JMJD1C: variants seen among roughly 807,000 people sequenced by gnomAD.
JMJD1C encodes jumonji domain containing 1C, also known as jumonji domain-containing protein 1C.
In JMJD1C, 31 loss-of-function variants were observed where a neutral mutation model predicts 245.3. That is an observed-to-expected ratio of 0.13 (90% CI 0.09 to 0.17). The LOEUF is 0.17. Among genes scored for constraint, JMJD1C ranks in the 10% least tolerant of loss-of-function variants. JMJD1C has a pLI of 1.00. For synonymous variants in JMJD1C, 1,057 were observed against 1,017.4 expected (o/e 1.04, Z -0.74); for missense variants, 2,691 against 3,000.2 (o/e 0.90, Z 2.41).
At chr10:63,187,186 T>C (rs1450841161) in intron 18 of JMJD1C, among the ~76,000 whole-genome samples, 1 of 152,208 alleles carries the variant, frequency 6.6e-6, no homozygotes, top group Non-Finnish European at 1.5e-5. Flanking sequence ...GTTTACTACA[T>C]GGTTGAATGT....
chr10:63,324,869 C>A (rs977691283), intron 2 of JMJD1C, among the ~76,000 whole-genome samples: 4 of 152,194 alleles, frequency 2.6e-5, no homozygotes, highest in Admixed American at 6.5e-5. Flanking sequence ...ACTAGGCTTT[C>A]AGCTAGATTT....
intron 11 of JMJD1C, 87 bp from the exon 12 acceptor site, chr10:63,198,814 T>C (rs1845716807): frequency 7.6e-6 from 5 of 661,222 alleles, no homozygotes; most frequent in Non-Finnish European, 1.2e-5. Context: ...TAATTATGTT[T>C]ACATTGCATT....
chr10:63,369,091 T>C (rs146227994), intron 2 of JMJD1C, among the ~76,000 whole-genome samples: 12 of 152,110 alleles, frequency 7.9e-5, no homozygotes, highest in African/African-American at 2.9e-4. Flanking sequence ...TTTTTCTTCC[T>C]CTTTCTTTCT....
intron 1 of JMJD1C, among the ~76,000 whole-genome samples, chr10:63,445,803 T>C (rs1190810445): frequency 6.7e-6 from 1 of 149,526 alleles, no homozygotes; most frequent in Non-Finnish European, 1.5e-5. Flanking sequence ...AGGCAAAAGA[T>C]AATGTAGGTT....
At chr10:63,288,571 A>G (rs1858249875) in intron 2 of JMJD1C, among the ~76,000 whole-genome samples, 1 of 152,140 alleles carries the variant, frequency 6.6e-6, no homozygotes, top group African/African-American at 2.4e-5. Flanking sequence ...TTTTTACGTC[A>G]GGTTGTTCAT....
chr10:63,288,878 T>C (rs547396920), intron 2 of JMJD1C, among the ~76,000 whole-genome samples: 2 of 130,930 alleles, frequency 1.5e-5, no homozygotes, highest in East Asian at 4.3e-4. Context: ...CACTGTCTCA[T>C]AATAATAATA....
At chr10:63,458,157 ATCTT>A (rs1371603962) in intron 1 of JMJD1C, among the ~76,000 whole-genome samples, 17 of 152,334 alleles carry the variant, frequency 1.1e-4, no homozygotes, top group Admixed American at 2.6e-4. Context: ...TAATCCCTAA[ATCTT>A]TCTTTGTCAG....
At chr10:63,354,612 AATC>A (rs1944650021) in intron 2 of JMJD1C, among the ~76,000 whole-genome samples, 1 of 151,856 alleles carries the variant, frequency 6.6e-6, no homozygotes, top group African/African-American at 2.4e-5. Context: ...TTTCTATTTT[AATC>A]ATCTTTTATA....
At chr10:63,519,110 T>C (rs1955120037) in intron 1 of JMJD1C, among the ~76,000 whole-genome samples, 1 of 152,092 alleles carries the variant, frequency 6.6e-6, no homozygotes, top group South Asian at 2.1e-4. Context: ...CCTATTGAGA[T>C]GTGAAAAAAG....
chr10:63,261,301 C>G (rs567344273), intron 3 of JMJD1C, among the ~76,000 whole-genome samples: 2 of 152,208 alleles, frequency 1.3e-5, no homozygotes, highest in East Asian at 1.9e-4. Context: ...TGACCAGTGC[C>G]GGGCGCAGTG....
chr10:63,495,188 A>C (rs1332193403), intron 1 of JMJD1C, among the ~76,000 whole-genome samples: 1 of 151,622 alleles, frequency 6.6e-6, no homozygotes, highest in Admixed American at 6.6e-5. Context: ...ACCATTTCTC[A>C]CTCAAAGGAA....
At chr10:63,281,467 T>A (rs1857386919) in intron 2 of JMJD1C, among the ~76,000 whole-genome samples, 1 of 110,146 alleles carries the variant, frequency 9.1e-6, no homozygotes, top group Non-Finnish European at 1.9e-5. Context: ...CCTTTTTTTT[T>A]TTTTTTTTTT....
At chr10:63,283,196 AAAGATTTCT>A (rs1857595799) in intron 2 of JMJD1C, among the ~76,000 whole-genome samples, 1 of 152,228 alleles carries the variant, frequency 6.6e-6, no homozygotes, top group South Asian at 2.1e-4. Context: ...CATAAATAAT[AAAGATTTCT>A]TCCAGAGTTG....
intron 3 of JMJD1C, chr10:63,222,933 C>A: frequency 6.6e-7 from 1 of 1,505,474 alleles, no homozygotes; most frequent in South Asian, 1.1e-5. Flanking sequence ...AGAAATGAAC[C>A]CTGCCATATA....
intron 2 of JMJD1C, among the ~76,000 whole-genome samples, chr10:63,353,475 A>G (rs1300069637): frequency 6.6e-6 from 1 of 152,140 alleles, no homozygotes. Flanking sequence ...TATATTCACA[A>G]TAATTGACTG....
chr10:63,450,094 C>CAA (rs758137949), intron 1 of JMJD1C, among the ~76,000 whole-genome samples: 1 of 151,716 alleles, frequency 6.6e-6, no homozygotes, highest in Non-Finnish European at 1.5e-5. Context: ...GTATGGGTGA[C>CAA]AGAGTGAGAC....
intron 1 of JMJD1C, among the ~76,000 whole-genome samples, chr10:63,452,748 T>A (rs1444979433): frequency 6.6e-6 from 1 of 151,948 alleles, no homozygotes; most frequent in African/African-American, 2.4e-5. Context: ...AAAAAAGAAG[T>A]GAAGTTATGA....
At chr10:63,424,633 A>C (rs906304055) in intron 1 of JMJD1C, among the ~76,000 whole-genome samples, 5 of 150,526 alleles carry the variant, frequency 3.3e-5, no homozygotes, top group African/African-American at 1.2e-4. Flanking sequence ...CAGCCTCCCA[A>C]GTAGCTGGGA....
intron 2 of JMJD1C, among the ~76,000 whole-genome samples, chr10:63,298,615 T>C (rs1328534346): frequency 1.3e-5 from 2 of 152,228 alleles, no homozygotes; most frequent in Non-Finnish European, 2.9e-5. Flanking sequence ...TATTCACAAG[T>C]ACTATATACT....
Sources: allele counts gnomAD v4.1 joint callset (sites outside exome capture counted in the v4.1 genomes callset), GRCh38; gene constraint gnomAD v4.1.1; transcripts MANE v1.5; gene names NCBI Gene and HGNC (gene_info 2026-07-23, HGNC 2026-07-21).